The following NARS2 variants were observed in gnomAD, a reference collection of about 807,000 sequenced individuals.
NARS2 encodes asparaginyl-tRNA synthetase.
In NARS2, 60 loss-of-function variants were observed where a neutral mutation model predicts 62.9. That is an observed-to-expected ratio of 0.95 (90% CI 0.77 to 1.18). The LOEUF (loss-of-function observed/expected upper bound fraction) is 1.18. Among genes scored for constraint, NARS2 ranks in the 50% most tolerant of loss-of-function variants. NARS2 has a pLI of 0.00. For missense variants in NARS2, 619 were observed against 576.4 expected, an observed-to-expected ratio of 1.07 and a Z score of -0.76; for synonymous variants, 196 against 200.0, an observed-to-expected ratio of 0.98 and a Z score of 0.17.
intron 5 of NARS2, among the ~76,000 whole-genome samples, chr11:78,548,228 A>G (rs1371090129): frequency 6.6e-6 from 1 of 152,222 alleles, no homozygotes; most frequent in Non-Finnish European, 1.5e-5. Flanking sequence ...AAAACAAAAA[A>G]TAAAACCAGC....
At chr11:78,562,431 AAAC>A (rs1404119019) in intron 4 of NARS2, among the ~76,000 whole-genome samples, 2 of 152,194 alleles carry the variant, frequency 1.3e-5, no homozygotes, top group African/African-American at 4.8e-5. Context: ...CTTCATCTCA[AAAC>A]AACAACAACA....
chr11:78,574,669 C>G lies in NARS2; in HGVS notation c.-181G>C. The G allele has an allele frequency of 1.6e-6, 1 of 639,036 alleles. No homozygotes were observed. Among genetic ancestry groups the G allele is most frequent in the South Asian group, 2.1e-5 (1 of 48,640 alleles). The allele number at this position is 639,036 out of a possible 1,614,324, so 39.6% of individuals were successfully genotyped here. ...GACTCCCAGCTCTGTCCCCACAGAA[C>G]CTCTCCGCTTCCCACTTCCCAACGG... On this transcript the variant is annotated 5_prime_UTR_variant, in exon 1 of 14. Transcript: ENST00000281038.
At chr11:78,468,497 C>T (rs1298814080) in intron 10 of NARS2, among the ~76,000 whole-genome samples, 5 of 150,770 alleles carry the variant, frequency 3.3e-5, no homozygotes, top group African/African-American at 9.7e-5. Flanking sequence ...CTCTGCCCCC[C>T]GGGTTCATGC....
intron 11 of NARS2, among the ~76,000 whole-genome samples, chr11:78,460,880 G>A (rs938576266): frequency 6.6e-6 from 1 of 152,140 alleles, no homozygotes; most frequent in African/African-American, 2.4e-5. Flanking sequence ...ATAGATGGTT[G>A]TATCTGTAAC....
At chr11:78,454,651 T>C (rs991000864) in intron 11 of NARS2, among the ~76,000 whole-genome samples, 8 of 151,594 alleles carry the variant, frequency 5.3e-5, no homozygotes, top group African/African-American at 1.9e-4. Context: ...TGTAGCCTCA[T>C]TCTGTCGCCT....
In NARS2 at chr11:78,574,534, G is replaced by A. The variant is rs1331356484; in HGVS notation, c.-46C>T. On this transcript the variant is annotated 5_prime_UTR_variant, in exon 1 of 14. Coordinates refer to ENST00000281038, the MANE Select transcript of NARS2 (RefSeq NM_024678.6). ...CCGCGGGAGCAGCCCAGACCCCACG[G>A]TTCGAACCCCGCCTGCAGCGGCCCT... 6.5e-7 allele frequency: 1 copy of A among 1,538,576 alleles called. No homozygotes were observed. Among genetic ancestry groups the A allele is most frequent in the Non-Finnish European group, 8.7e-7 (1 of 1,144,838 alleles).
At chr11:78,473,034 C>T (rs1342178653) in intron 9 of NARS2, among the ~76,000 whole-genome samples, 1 of 152,160 alleles carries the variant, frequency 6.6e-6, no homozygotes, top group African/African-American at 2.4e-5. Context: ...GGTGTGGTGG[C>T]CTGCACCAGT....
chr11:78,499,628 G>A (rs190802926), intron 6 of NARS2, among the ~76,000 whole-genome samples: 32 of 152,274 alleles, frequency 2.1e-4, no homozygotes, highest in East Asian at 3.9e-4. Flanking sequence ...CTTTGAAAAG[G>A]ACTAGAGCGG....
chr11:78,437,346 GAGT>G (rs1168671752), intron 13 of NARS2, among the ~76,000 whole-genome samples: 57 of 152,314 alleles, frequency 3.7e-4, no homozygotes, highest in African/African-American at 1.3e-3. Flanking sequence ...GGGAGCTCTA[GAGT>G]AGGTGTTAAT....
intron 5 of NARS2, among the ~76,000 whole-genome samples, chr11:78,552,067 G>C (rs1374908659): frequency 1.3e-5 from 2 of 151,936 alleles, no homozygotes; most frequent in Non-Finnish European, 2.9e-5. Flanking sequence ...TGTCATGGGA[G>C]TTTGTTGTAC....
intron 9 of NARS2, among the ~76,000 whole-genome samples, chr11:78,476,403 G>T (rs150515594): frequency 6.5e-4 from 99 of 152,332 alleles, no homozygotes; most frequent in African/African-American, 2.2e-3. Context: ...TTTTTCCACT[G>T]CATTAACTGT....
At chr11:78,493,337 ATT>A (rs1193340687) in intron 6 of NARS2, 142 bp from the exon 7 acceptor site, 6 of 720,902 alleles carry the variant, frequency 8.3e-6, no homozygotes, top group Non-Finnish European at 1.4e-5. Flanking sequence ...GCTGCTACAT[ATT>A]TCTCTAATAG....
chr11:78,551,714 G>A (rs1310605839), intron 5 of NARS2, among the ~76,000 whole-genome samples: 1 of 152,090 alleles, frequency 6.6e-6, no homozygotes, highest in African/African-American at 2.4e-5. Context: ...AGCCGGGCGT[G>A]GTGGCAGGCG....
chr11:78,455,166 C>CT (rs1464141412), intron 11 of NARS2, among the ~76,000 whole-genome samples: 1 of 152,130 alleles, frequency 6.6e-6, no homozygotes, highest in Non-Finnish European at 1.5e-5. Context: ...TACAATGCCT[C>CT]TCTGTTTTTT....
chr11:78,444,233 T>G (rs74973515), intron 11 of NARS2, among the ~76,000 whole-genome samples: 5,464 of 152,250 alleles, frequency 0.036, 333 homozygotes, highest in African/African-American at 0.13. Context: ...ATTAGAATTA[T>G]AATTATTTAA....
chr11:78,556,864 A>G (rs1313156005), intron 5 of NARS2, among the ~76,000 whole-genome samples: 1 of 152,246 alleles, frequency 6.6e-6, no homozygotes, highest in Non-Finnish European at 1.5e-5. Flanking sequence ...GTGTACAAAC[A>G]AGGAATTTTG....
chr11:78,544,039 A>AAAAAAAT (rs1309641115), intron 5 of NARS2, among the ~76,000 whole-genome samples: 1 of 150,838 alleles, frequency 6.6e-6, no homozygotes, highest in Non-Finnish European at 1.5e-5. Context: ...AAAAAAAAAA[A>AAAAAAAT]ACTCTCTCTC....
chr11:78,482,314 C>A (rs1859390132), intron 7 of NARS2, among the ~76,000 whole-genome samples: 2 of 151,962 alleles, frequency 1.3e-5, no homozygotes, highest in African/African-American at 2.4e-5. Context: ...CAAATTGACA[C>A]CCTAACATCA....
Position 78,500,137 on chromosome 11 carries a change from C to T in NARS2, c.690-6942G>A, listed in dbSNP as rs116602307. Among the ~76,000 whole-genome samples the T allele has an allele frequency of 6.2e-3, 938 of 152,308 alleles. 7 individuals carry two copies. Among genetic ancestry groups the T allele is most frequent in the African/African-American group, 0.021 (877 of 41,572 alleles). On this transcript the variant is annotated intron_variant, in intron 6 of 13. Coordinates refer to ENST00000281038, the MANE Select transcript of NARS2 (RefSeq NM_024678.6). ...GTAGAGGAGTCATTATAGCATTGAA[C>T]TATCAACAATTTCCTGGACTCAAGT...
Sources: allele counts gnomAD v4.1 joint callset (sites outside exome capture counted in the v4.1 genomes callset), GRCh38; gene constraint gnomAD v4.1.1; transcripts MANE v1.5; gene names NCBI Gene and HGNC (gene_info 2026-07-23, HGNC 2026-07-21).